ART3: variants seen among roughly 807,000 people sequenced by gnomAD.
ART3 encodes the protein ADP-ribosyltransferase 3 (inactive).
Under a neutral mutation model 48.5 loss-of-function variants are expected in ART3, and 49 were observed. The ratio of observed to expected loss-of-function variants is 1.01; its 90% CI spans 0.80 to 1.28. ART3 has a LOEUF of 1.28. ART3 is among the 50% of genes most tolerant of loss of function. The pLI, the probability that ART3 is intolerant of heterozygous loss-of-function variation, is 0.00. For missense variants in ART3, 438 were observed against 454.3 expected (o/e 0.96, Z 0.33); for synonymous variants, 145 against 157.2 (o/e 0.92, Z 0.58).
Position 76,046,917 on chromosome 4 carries a change from C to T in ART3, c.-9-28964C>T, listed in dbSNP as rs190931102. Among the ~76,000 whole-genome samples the T allele has an allele frequency of 2.3e-3, 349 of 151,978 alleles. 4 individuals are homozygous for T. Among genetic ancestry groups the T allele is most frequent in the Middle Eastern group, 6.8e-3 (2 of 294 alleles). ...CAGGAGATTAACCCTGAGAAGGCCGCGCCAGTGTCCAGGAGGAAGGCAATT... is the reference window on the plus strand; with the variant it reads ...CAGGAGATTAACCCTGAGAAGGCCGTGCCAGTGTCCAGGAGGAAGGCAATT... On this transcript the variant is annotated intron_variant, in intron 1 of 9. Transcript: ENST00000341029.
chr4:76,011,368 C>G (rs1366409868), intron 1 of ART3: 2 of 152,638 alleles, frequency 1.3e-5, no homozygotes, highest in African/African-American at 4.8e-5. Context: ...CCTGAGCGGC[C>G]CGCAGCCTCC....
At chr4:76,034,183 A>G (rs373367097) in intron 1 of ART3, 120 of 351,640 alleles carry the variant, frequency 3.4e-4, no homozygotes, top group African/African-American at 2.1e-3. Flanking sequence ...ATGTCTCCCT[A>G]CATATTGATG....
intron 6 of ART3, among the ~76,000 whole-genome samples, chr4:76,100,578 C>T (rs1424501489): frequency 6.9e-6 from 1 of 144,274 alleles, no homozygotes; most frequent in Admixed American, 7.3e-5. Context: ...TTGCAGTGAG[C>T]TGAGATCGTG....
intron 11 of ART3, among the ~76,000 whole-genome samples, chr4:76,110,147 A>G (rs536651458): frequency 6.6e-6 from 1 of 152,190 alleles, no homozygotes; most frequent in Non-Finnish European, 1.5e-5. Context: ...TAGTGTTTAA[A>G]AAACAATGCA....
At chr4:76,087,840 C>T (rs146266700) in intron 3 of ART3, among the ~76,000 whole-genome samples, 6 of 152,192 alleles carry the variant, frequency 3.9e-5, no homozygotes, top group Non-Finnish European at 7.4e-5. Flanking sequence ...AGAAAATTAG[C>T]CCAGGTTAAC....
intron 1 of ART3, among the ~76,000 whole-genome samples, chr4:76,038,039 T>G (rs1734597702): frequency 6.6e-6 from 1 of 151,194 alleles, no homozygotes; most frequent in Admixed American, 6.7e-5. Flanking sequence ...TAGTCCCCCA[T>G]TAAATGAGAA....
At chr4:76,051,260 G>A (rs574324223) in intron 1 of ART3, among the ~76,000 whole-genome samples, 22 of 151,646 alleles carry the variant, frequency 1.5e-4, no homozygotes, top group Non-Finnish European at 3.1e-4. Context: ...TTTTTTAGAG[G>A]GATTTAGGCA....
chr4:76,037,074 C>A, intron 1 of ART3: 1 of 158,812 alleles, frequency 6.3e-6, no homozygotes, highest in South Asian at 1.8e-4. Context: ...TGGCTGCTGC[C>A]CTCCAATGGT....
At position 76,022,101 on chromosome 4, in the gene ART3, C is replaced by T. The variant is rs184315160; in HGVS notation, c.-10+10781C>T. The stretch of plus-strand genomic sequence containing the variant: ...GGATTATAGGGGTTGCTTTTTTCAA[C>T]CATGAAAGACTTGGGGAAAATGTTG... On this transcript the variant is annotated intron_variant, in intron 1 of 9. Transcript: ENST00000341029. Among the ~76,000 whole-genome samples the T allele has an allele frequency of 2.2e-4, 33 of 152,208 alleles. No individual in the cohort carries two copies. In the East Asian group the frequency reaches 6.2e-3, roughly 28 times the overall value.
chr4:76,052,203 T>G (rs1465530095), intron 1 of ART3, among the ~76,000 whole-genome samples: 1 of 152,174 alleles, frequency 6.6e-6, no homozygotes, highest in Non-Finnish European at 1.5e-5. Context: ...CAATATGCTT[T>G]ATCTCTTTCT....
chr4:76,028,909 C>T (rs4859595), intron 1 of ART3, among the ~76,000 whole-genome samples: 92,965 of 151,942 alleles, frequency 0.61, 29,511 homozygotes, highest in East Asian at 0.94. Flanking sequence ...TCTGAACTCG[C>T]GCACTTGAGA....
intron 1 of ART3, among the ~76,000 whole-genome samples, chr4:76,042,417 G>T (rs1392735243): frequency 6.6e-6 from 1 of 152,202 alleles, no homozygotes; most frequent in Non-Finnish European, 1.5e-5. Context: ...CCTGTTTTGA[G>T]TGTTAGAAGA....
chr4:76,059,690 A>G (rs189117291), intron 1 of ART3, among the ~76,000 whole-genome samples: 25 of 152,314 alleles, frequency 1.6e-4, no homozygotes, highest in African/African-American at 4.1e-4. Context: ...GGACAACTAA[A>G]TTAAAGTAAC....
intron 3 of ART3, among the ~76,000 whole-genome samples, chr4:76,085,135 G>C (rs888499802): frequency 1.3e-5 from 2 of 152,180 alleles, no homozygotes; most frequent in Non-Finnish European, 2.9e-5. Context: ...ATTCACTGCT[G>C]TATATTCTTC....
At chr4:76,067,518 G>A (rs1373433367) in intron 1 of ART3, among the ~76,000 whole-genome samples, 1 of 152,190 alleles carries the variant, frequency 6.6e-6, no homozygotes, top group Non-Finnish European at 1.5e-5. Context: ...ACCATTGCTG[G>A]AGACCAGACT....
intron 1 of ART3, among the ~76,000 whole-genome samples, chr4:76,062,795 C>T (rs932164908): frequency 6.6e-6 from 1 of 151,944 alleles, no homozygotes; most frequent in African/African-American, 2.4e-5. Context: ...CTCCTGACCT[C>T]GTGATCCGCC....
At chr4:76,034,724 T>C (rs1734187966) in intron 1 of ART3, 1 of 1,120,814 alleles carries the variant, frequency 8.9e-7, no homozygotes, top group Admixed American at 2.1e-5. Flanking sequence ...GTCATTTCAG[T>C]AGTCACAGTT....
chr4:76,012,323 A>T (rs1250156269), intron 1 of ART3: 2 of 152,212 alleles, frequency 1.3e-5, no homozygotes, highest in Non-Finnish European at 1.5e-5. Context: ...AATTTCTCAC[A>T]GTGTGGATTT....
At chr4:76,063,874 G>A (rs1028382247) in intron 1 of ART3, among the ~76,000 whole-genome samples, 9 of 152,074 alleles carry the variant, frequency 5.9e-5, no homozygotes, top group African/African-American at 2.2e-4. Context: ...TTATATACTA[G>A]CCAACTGTTC....
Sources: allele counts gnomAD v4.1 joint callset (sites outside exome capture counted in the v4.1 genomes callset), GRCh38; gene constraint gnomAD v4.1.1; transcripts MANE v1.5; gene names NCBI Gene and HGNC (gene_info 2026-07-23, HGNC 2026-07-21).